The following ARMC9 variants were observed in gnomAD, a reference collection of about 807,000 sequenced individuals.
ARMC9 encodes the protein lisH domain-containing protein ARMC9.
A neutral mutation model predicts 107.0 loss-of-function variants in ARMC9; 94 were observed. That is an observed-to-expected ratio of 0.88 (90% CI 0.74 to 1.04). The LOEUF is 1.04. Ranked by LOEUF, ARMC9 falls within the 50% of genes least tolerant of loss-of-function variation. ARMC9 has a pLI of 0.00. For synonymous variants in ARMC9, 380 were observed against 396.9 expected (o/e 0.96, Z 0.51); for missense variants, 942 against 1,030.1 (o/e 0.91, Z 1.17).
intron 19 of ARMC9, among the ~76,000 whole-genome samples, chr2:231,323,469 C>T (rs1388148215): frequency 3.9e-5 from 6 of 152,184 alleles, no homozygotes; most frequent in Admixed American, 6.5e-5. Context: ...TTACTGGGAA[C>T]GGTTGAATGA....
Position 231,375,081 on chromosome 2 carries a change from C to A in ARMC9, c.*3546C>A. On this transcript the variant is annotated 3_prime_UTR_variant, in exon 25 of 25. Coordinates refer to ENST00000611582, the MANE Select transcript of ARMC9 (RefSeq NM_001352754.2). This position sits in a 1 kb window ranked among gnomAD's most constrained non-coding sequence, Gnocchi z 4.3. ...ACAAACTACCTCTGAAACTTAGTGG[C>A]TTAAACCAACAAATGTATTAGCTTT... Among the ~76,000 whole-genome samples the A allele has an allele frequency of 6.6e-6, 1 of 152,218 alleles. No homozygotes were observed. Among genetic ancestry groups the A allele is most frequent in the Non-Finnish European group, 1.5e-5 (1 of 68,042 alleles).
At chr2:231,288,623 C>T in intron 17 of ARMC9, 1 of 471,162 alleles carries the variant, frequency 2.1e-6, no homozygotes, top group South Asian at 1.5e-5. Context: ...TTGTCAGGCT[C>T]TGGAAGAGAT....
rs760921275 is a variant in ARMC9, at chr2:231,272,949, T to C, written c.1211-6T>C. 6.2e-7 allele frequency: 1 copy of C among 1,611,664 alleles called. No homozygotes were observed. The highest frequency in any genetic ancestry group is 1.1e-5 in the South Asian group (1 of 90,646). ...TTCACCTGTTTCATCTCTGGTGTAT[T>C]ATCAGGTCGCCTCTACCTTGCCCAG... On this transcript the variant is annotated splice_polypyrimidine_tract_variant and splice_region_variant and intron_variant, in intron 13 of 24. Transcript: ENST00000611582.
intron 1 of ARMC9, among the ~76,000 whole-genome samples, chr2:231,201,756 A>G (rs1052033113): frequency 6.6e-6 from 1 of 152,200 alleles, no homozygotes; most frequent in Non-Finnish European, 1.5e-5. Flanking sequence ...CTCTTCTAGA[A>G]GAACCTCTCA....
chr2:231,246,328 GAGTT>G (rs2036759830), intron 9 of ARMC9, among the ~76,000 whole-genome samples: 2 of 152,126 alleles, frequency 1.3e-5, no homozygotes, highest in Non-Finnish European at 2.9e-5. Flanking sequence ...ATAATCCTGA[GAGTT>G]AGTTTTTCAA....
rs199825848 is a variant in ARMC9 at position 231,364,739 on chromosome 2, A to G, written c.2261+3856A>G. Among the ~76,000 whole-genome samples the G allele has an allele frequency of 7.9e-5, 12 of 151,494 alleles. No individual in the cohort carries two copies. The East Asian group carries it at 1.2e-3, about 15-fold the overall frequency. On this transcript the variant is annotated intron_variant, in intron 23 of 24. Transcript: ENST00000611582. The stretch of plus-strand genomic sequence containing the variant: ...TTTGAACCCAGGAGGTGGAGGTTGC[A>G]GTGAGCCGAGATCACACCATTGCAC...
At chr2:231,354,990 A>G (rs949720097) in intron 21 of ARMC9, among the ~76,000 whole-genome samples, 9 of 152,216 alleles carry the variant, frequency 5.9e-5, no homozygotes, top group African/African-American at 2.2e-4. Flanking sequence ...GGGTGCCAAC[A>G]TTAGGCACTG....
At chr2:231,201,972 A>G (rs1183008677) in intron 1 of ARMC9, among the ~76,000 whole-genome samples, 2 of 145,348 alleles carry the variant, frequency 1.4e-5, no homozygotes, top group Non-Finnish European at 3.0e-5. Flanking sequence ...CATGCTTCTT[A>G]CTTGCAGCCG....
chr2:231,375,444 A>G lies in ARMC9; in HGVS notation c.*3909A>G, dbSNP rs2046167570. Among the ~76,000 whole-genome samples the G allele has an allele frequency of 6.6e-6, 1 of 152,240 alleles. No homozygotes were observed. Among genetic ancestry groups the G allele is most frequent in the African/African-American group, 2.4e-5 (1 of 41,466 alleles). On this transcript the variant is annotated 3_prime_UTR_variant, in exon 25 of 25. Coordinates refer to ENST00000611582, the MANE Select transcript of ARMC9 (RefSeq NM_001352754.2). This position sits in a 1 kb window ranked among gnomAD's most constrained non-coding sequence, Gnocchi z 4.3. ...AATGAACCAGAGGCAATACTGCTGC[A>G]AGCTACCACATAGATGCTGTTCAGA...
intron 17 of ARMC9, among the ~76,000 whole-genome samples, chr2:231,290,607 A>G (rs1559413679): frequency 6.6e-6 from 1 of 152,228 alleles, no homozygotes; most frequent in African/African-American, 2.4e-5. Flanking sequence ...GAGGAGGGAA[A>G]GGAATTAGAC....
intron 17 of ARMC9, among the ~76,000 whole-genome samples, chr2:231,285,403 T>C (rs2040517380): frequency 6.6e-6 from 1 of 151,878 alleles, no homozygotes; most frequent in African/African-American, 2.4e-5. Flanking sequence ...CCTAGCACTT[T>C]GGGAGGCTGA....
At position 231,367,711 on chromosome 2, in the gene ARMC9, G is replaced by A. The variant is rs539951082; in HGVS notation, c.2262-2242G>A. On this transcript the variant is annotated intron_variant, in intron 23 of 24. Coordinates refer to ENST00000611582, the MANE Select transcript of ARMC9 (RefSeq NM_001352754.2). Reference sequence around the variant, plus strand: ...TAAAATAAGTTAACTGGCCGGGCGCGGTGGCTCATACCTATAATCCCAGCA... The same window carrying A: ...TAAAATAAGTTAACTGGCCGGGCGCAGTGGCTCATACCTATAATCCCAGCA... Among the ~76,000 whole-genome samples the A allele has an allele frequency of 9.9e-5, 15 of 152,222 alleles. No homozygotes were observed. The South Asian group carries it at 1.0e-3, about 11-fold the overall frequency.
At chr2:231,342,814 AT>A (rs2044596650) in intron 20 of ARMC9, among the ~76,000 whole-genome samples, 1 of 151,914 alleles carries the variant, frequency 6.6e-6, no homozygotes, top group African/African-American at 2.4e-5. Context: ...GTTACATTCC[AT>A]TTCCCCCAAG....
intron 20 of ARMC9, among the ~76,000 whole-genome samples, chr2:231,340,854 C>G (rs2044456074): frequency 6.6e-6 from 1 of 152,192 alleles, no homozygotes; most frequent in African/African-American, 2.4e-5. Context: ...CGCCACTGTA[C>G]TGCCGCCTGG....
intron 23 of ARMC9, among the ~76,000 whole-genome samples, chr2:231,363,449 T>C (rs1348302157): frequency 6.6e-6 from 1 of 152,070 alleles, no homozygotes; most frequent in Non-Finnish European, 1.5e-5. Flanking sequence ...GGCAGAGGTC[T>C]GGGTCAGTGG....
intron 8 of ARMC9, 112 bp downstream of exon 8, chr2:231,235,493 T>A: frequency 7.8e-7 from 1 of 1,273,952 alleles, no homozygotes; most frequent in Non-Finnish European, 1.1e-6. Context: ...TCCAAGCCAG[T>A]GGCGCCTGCT....
chr2:231,309,550 C>G (rs2042220067), intron 19 of ARMC9, among the ~76,000 whole-genome samples: 1 of 152,018 alleles, frequency 6.6e-6, no homozygotes, highest in Non-Finnish European at 1.5e-5. Context: ...ATCACTATCA[C>G]TTGGTATTCA....
At position 231,297,758 on chromosome 2, in the gene ARMC9, T is replaced by TCAC. The variant is rs1237645346; in HGVS notation, c.1773+1510_1773+1512dup. Among the ~76,000 whole-genome samples, 1 of 152,200 alleles carries TCAC rather than the reference T, an allele frequency of 6.6e-6. No homozygotes were observed. Among genetic ancestry groups the TCAC allele is most frequent in the Non-Finnish European group, 1.5e-5 (1 of 68,024 alleles). On this transcript the variant is annotated intron_variant, in intron 19 of 24. Coordinates refer to ENST00000611582, the MANE Select transcript of ARMC9 (RefSeq NM_001352754.2). The surrounding 1 kb of genome is among the most constrained non-coding windows in gnomAD (Gnocchi z 4.2). ...GCAGCCTTCTCTTGATTATAATGAG[T>TCAC]CACCACCTTTGTGCCTGGCCCTTCA...
intron 23 of ARMC9, among the ~76,000 whole-genome samples, chr2:231,365,760 G>A (rs1474090378): frequency 1.3e-5 from 2 of 152,134 alleles, no homozygotes; most frequent in Middle Eastern, 3.2e-3. Flanking sequence ...TTGGCGACAC[G>A]TCTCAAGCTC....
Sources: allele counts gnomAD v4.1 joint callset (sites outside exome capture counted in the v4.1 genomes callset), GRCh38; gene constraint gnomAD v4.1.1; non-coding constraint Gnocchi (gnomAD v3.1); transcripts MANE v1.5; gene names NCBI Gene and HGNC (gene_info 2026-07-23, HGNC 2026-07-21).